Variants in AGBL4 observed in about 807,000 individuals in gnomAD.
AGBL4 encodes cytosolic carboxypeptidase 6.
Under a neutral mutation model 66.4 loss-of-function variants are expected in AGBL4, and 58 were observed. The observed-to-expected ratio is 0.87, with a 90% CI of 0.71 to 1.09. The LOEUF is 1.09. Among genes scored for constraint, AGBL4 ranks in the 50% least tolerant of loss-of-function variants. The pLI, the probability that AGBL4 is intolerant of heterozygous loss-of-function variation, is 0.00. For synonymous variants in AGBL4, 234 were observed against 222.9 expected (o/e 1.05, Z -0.44); for missense variants, 579 against 631.0 (o/e 0.92, Z 0.88).
At chr1:48,563,516 GGAGA>G (rs1026221861) in intron 11 of AGBL4, among the ~76,000 whole-genome samples, 2 of 151,984 alleles carry the variant, frequency 1.3e-5, no homozygotes, top group South Asian at 2.1e-4. Context: ...GTCTGAGAGA[GGAGA>G]GAGAGAGAAT....
At chr1:49,761,071 A>T (rs373228456) in intron 2 of AGBL4, among the ~76,000 whole-genome samples, 1 of 151,604 alleles carries the variant, frequency 6.6e-6, no homozygotes, top group East Asian at 1.9e-4. Context: ...TAGGTGCAGC[A>T]AACCACCATG....
chr1:49,312,991 A>C (rs186593099), intron 3 of AGBL4, among the ~76,000 whole-genome samples: 59 of 152,140 alleles, frequency 3.9e-4, no homozygotes, highest in Non-Finnish European at 6.6e-4. Context: ...CATCATCTAC[A>C]TTAGGTATTT....
intron 3 of AGBL4, among the ~76,000 whole-genome samples, chr1:49,381,818 G>A (rs1165002040): frequency 6.8e-6 from 1 of 146,006 alleles, no homozygotes; most frequent in Non-Finnish European, 1.5e-5. Context: ...GACACTGGAA[G>A]GGGAACATCA....
At chr1:49,248,872 C>T (rs542975720) in intron 3 of AGBL4, among the ~76,000 whole-genome samples, 21 of 152,130 alleles carry the variant, frequency 1.4e-4, no homozygotes, top group African/African-American at 4.3e-4. Flanking sequence ...AAATTTTTAA[C>T]CTGAGCTTCT....
rs145467066 is a variant in AGBL4 at position 49,362,449 on chromosome 1, CAAAA to C, written c.283-116589_283-116586del. On this transcript the variant is annotated intron_variant, in intron 3 of 13. Transcript: ENST00000371839. ...TGGGCAACAGAGCAAGACCCTGTCT[CAAAA>C]AAAAAAAAAAAAAAAAAAAAGAGAG... Among the ~76,000 whole-genome samples the C allele has an allele frequency of 7.1e-3, 574 of 80,882 alleles. 2 individuals carry two copies. Among genetic ancestry groups the C allele is most frequent in the Middle Eastern group, 0.02 (3 of 152 alleles). The allele number at this position is 80,882 out of a possible 152,430, so 53.1% of individuals were successfully genotyped here.
At chr1:49,131,641 C>T (rs912957718) in intron 4 of AGBL4, among the ~76,000 whole-genome samples, 23 of 151,982 alleles carry the variant, frequency 1.5e-4, no homozygotes, top group African/African-American at 5.3e-4. Context: ...TACCCAGAAA[C>T]AAGAGAAAGA....
intron 6 of AGBL4, among the ~76,000 whole-genome samples, chr1:48,811,360 G>C (rs1395218633): frequency 6.6e-6 from 1 of 152,196 alleles, no homozygotes; most frequent in African/African-American, 2.4e-5. Context: ...CCTCTAGTGA[G>C]AAAGCCAGGA....
chr1:49,972,995 A>T (rs1658260885), intron 1 of AGBL4, among the ~76,000 whole-genome samples: 1 of 152,220 alleles, frequency 6.6e-6, no homozygotes, highest in Admixed American at 6.5e-5. Flanking sequence ...AGAGGTTACT[A>T]ACCTGCCCAA....
intron 6 of AGBL4, among the ~76,000 whole-genome samples, chr1:48,788,443 A>C (rs903676921): frequency 6.6e-5 from 10 of 152,226 alleles, no homozygotes; most frequent in Non-Finnish European, 1.0e-4. Flanking sequence ...TGCCTTGTTT[A>C]AGAAAGCTGG....
At chr1:49,228,749 CA>C (rs1650093865) in intron 4 of AGBL4, among the ~76,000 whole-genome samples, 1 of 152,094 alleles carries the variant, frequency 6.6e-6, no homozygotes, top group South Asian at 2.1e-4. Context: ...AGGGTAAAAG[CA>C]GGGGTCAGTT....
chr1:48,679,046 A>T (rs188689176), intron 6 of AGBL4, among the ~76,000 whole-genome samples: 1 of 152,352 alleles, frequency 6.6e-6, no homozygotes, highest in East Asian at 1.9e-4. Flanking sequence ...GCAAGTTGAC[A>T]GTGGAATTCT....
At chr1:49,851,646 A>T (rs1247340812) in intron 1 of AGBL4, 128 bp from the exon 2 acceptor site, 1 of 868,664 alleles carries the variant, frequency 1.2e-6, no homozygotes, top group Non-Finnish European at 1.7e-6. Context: ...TTAACACCAC[A>T]TTGTGGTACA....
At chr1:49,839,679 T>C (rs1377542250) in intron 2 of AGBL4, among the ~76,000 whole-genome samples, 1 of 152,194 alleles carries the variant, frequency 6.6e-6, no homozygotes, top group Non-Finnish European at 1.5e-5. Flanking sequence ...AGAAAGCTGT[T>C]GTACAAGTCC....
At chr1:49,834,990 A>T (rs1242215562) in intron 2 of AGBL4, among the ~76,000 whole-genome samples, 1 of 152,148 alleles carries the variant, frequency 6.6e-6, no homozygotes, top group African/African-American at 2.4e-5. Flanking sequence ...TTTTACTTCC[A>T]ATTATGTGGT....
intron 8 of AGBL4, among the ~76,000 whole-genome samples, chr1:48,640,522 C>T (rs999605358): frequency 6.6e-6 from 1 of 152,168 alleles, no homozygotes; most frequent in Non-Finnish European, 1.5e-5. Flanking sequence ...CTACTAAATG[C>T]TAGACTCATT....
chr1:49,935,263 C>A (rs572150486), intron 1 of AGBL4, among the ~76,000 whole-genome samples: 7 of 152,208 alleles, frequency 4.6e-5, no homozygotes, highest in Admixed American at 3.9e-4. Flanking sequence ...AACTGCAAGG[C>A]GGCAGCAAGG....
chr1:49,517,624 A>G (rs1035395154), intron 3 of AGBL4, among the ~76,000 whole-genome samples: 4 of 152,016 alleles, frequency 2.6e-5, no homozygotes, highest in Admixed American at 6.6e-5. Context: ...ATAAAGCACT[A>G]CTACCTCCAT....
At chr1:49,927,890 C>A (rs1652951019) in intron 1 of AGBL4, among the ~76,000 whole-genome samples, 1 of 152,072 alleles carries the variant, frequency 6.6e-6, no homozygotes, top group South Asian at 2.1e-4. Flanking sequence ...TCAGTTAAAA[C>A]TGACCCAGAA....
rs148729352 is a variant in AGBL4 at position 49,588,891 on chromosome 1, G to A, written c.282+108422C>T. On this transcript the variant is annotated intron_variant, in intron 3 of 13. Transcript: ENST00000371839. ...AACTTAACCAAGACCACATACATTTGTAAGGCCATTCTTCAAGTATGTTGA... is the reference window on the plus strand; with the variant it reads ...AACTTAACCAAGACCACATACATTTATAAGGCCATTCTTCAAGTATGTTGA... Among the ~76,000 whole-genome samples the A allele has an allele frequency of 3.6e-3, 547 of 152,272 alleles. 2 individuals are homozygous for A. The highest frequency in any genetic ancestry group is 0.012 in the African/African-American group (495 of 41,568).
Sources: gnomAD v4.1 joint callset for allele counts (sites outside exome capture counted in the v4.1 genomes callset) on GRCh38, gnomAD v4.1.1 for gene constraint, MANE v1.5 for transcripts, NCBI Gene and HGNC (gene_info 2026-07-23, HGNC 2026-07-21) for gene names.